SV2C: variants seen among roughly 807,000 people sequenced by gnomAD.
The protein encoded by SV2C is solute carrier family 22 member B3.
SV2C carries 49 observed loss-of-function variants against 79.7 expected under a neutral mutation model. The observed-to-expected ratio is 0.61, with a 90% confidence interval of 0.49 to 0.78. The LOEUF (loss-of-function observed/expected upper bound fraction) is 0.78. Among genes scored for constraint, SV2C ranks in the 30% least tolerant of loss-of-function variants. SV2C has a pLI of 0.00. For missense variants in SV2C, 833 were observed against 912.9 expected, an observed-to-expected ratio of 0.91 and a Z score of 1.13; for synonymous variants, 334 against 333.2, an observed-to-expected ratio of 1.00 and a Z score of -0.03.
chr5:76,181,739 TCAA>T (rs1393045974), intron 2 of SV2C, among the ~76,000 whole-genome samples: 1 of 152,144 alleles, frequency 6.6e-6, no homozygotes, highest in African/African-American at 2.4e-5. Context: ...GGCCCCACCT[TCAA>T]CATGTGGGGA....
At chr5:76,286,735 A>C (rs1325477784) in intron 6 of SV2C, 1 of 152,216 alleles carries the variant, frequency 6.6e-6, no homozygotes, top group African/African-American at 2.4e-5. Flanking sequence ...AGGACTCAGG[A>C]AACTTCTGAT....
At chr5:75,884,772 TACA>T in the SV2C span, among the ~76,000 whole-genome samples, 1 of 152,114 alleles carries the variant, frequency 6.6e-6, no homozygotes, top group East Asian at 1.9e-4. Context: ...CATAAGTATG[TACA>T]ACTATTATAT....
the SV2C span, among the ~76,000 whole-genome samples, chr5:76,034,237 T>C: frequency 2.0e-5 from 3 of 152,020 alleles, no homozygotes; most frequent in African/African-American, 7.3e-5. Flanking sequence ...GAATACCCTT[T>C]ATTTCCTTCT....
chr5:76,245,936 ATGTG>A (rs60767964), intron 4 of SV2C, among the ~76,000 whole-genome samples: 52 of 129,140 alleles, frequency 4.0e-4, no homozygotes, highest in East Asian at 6.6e-4. Flanking sequence ...GTGTGTGTGT[ATGTG>A]TGTGTGTGTG....
At chr5:76,243,872 T>C (rs1432320525) in intron 4 of SV2C, among the ~76,000 whole-genome samples, 3 of 152,212 alleles carry the variant, frequency 2.0e-5, no homozygotes, top group Non-Finnish European at 4.4e-5. Flanking sequence ...GCAGCCACAC[T>C]GGCCTTGCTC....
At chr5:75,938,605 AGT>A in the SV2C span, among the ~76,000 whole-genome samples, 2 of 152,216 alleles carry the variant, frequency 1.3e-5, no homozygotes, top group Non-Finnish European at 2.9e-5. Context: ...AAAATGAATC[AGT>A]GGTACCAGAG....
the SV2C span, among the ~76,000 whole-genome samples, chr5:75,945,477 AATT>A: frequency 1.3e-5 from 2 of 151,454 alleles, no homozygotes; most frequent in Admixed American, 6.6e-5. Flanking sequence ...ACACCAAGCT[AATT>A]ATTATTATTA....
At chr5:75,996,698 A>T in the SV2C span, among the ~76,000 whole-genome samples, 1 of 152,096 alleles carries the variant, frequency 6.6e-6, no homozygotes, top group Admixed American at 6.6e-5. Context: ...GAGGGCCTTC[A>T]CATCCTTTGT....
At chr5:75,910,825 G>A in the SV2C span, 6 of 1,305,698 alleles carry the variant, frequency 4.6e-6, no homozygotes, top group South Asian at 5.9e-5. Context: ...CCAATTTGAG[G>A]GATGTCTTCT....
At chr5:76,190,589 G>A (rs72773753) in intron 2 of SV2C, among the ~76,000 whole-genome samples, 13,951 of 152,156 alleles carry the variant, frequency 0.092, 835 homozygotes, top group Non-Finnish European at 0.13. Context: ...ATTGGGCAAT[G>A]CAGAAATGAA....
At chr5:76,206,409 T>C (rs1453902937) in intron 3 of SV2C, among the ~76,000 whole-genome samples, 4 of 152,172 alleles carry the variant, frequency 2.6e-5, no homozygotes, top group Non-Finnish European at 5.9e-5. Context: ...ACAAGGACCG[T>C]CAGGTCATTT....
intron 3 of SV2C, among the ~76,000 whole-genome samples, chr5:76,197,160 C>T (rs768063075): frequency 1.3e-5 from 2 of 152,126 alleles, no homozygotes; most frequent in Non-Finnish European, 2.9e-5. Flanking sequence ...TGCATTGTTA[C>T]CTTGGAGTGT....
intron 4 of SV2C, among the ~76,000 whole-genome samples, chr5:76,239,928 T>G (rs192125994): frequency 1.2e-4 from 19 of 152,326 alleles, no homozygotes; most frequent in Admixed American, 1.2e-3. Context: ...GGCTATCTGC[T>G]TCCCTTCTTT....
intron 2 of SV2C, among the ~76,000 whole-genome samples, chr5:76,152,012 G>T (rs764863924): frequency 1.3e-5 from 2 of 152,192 alleles, no homozygotes; most frequent in Admixed American, 6.5e-5. Context: ...GATGCCTTAG[G>T]GGGTGAGAGA....
chr5:75,916,237 G>A, the SV2C span, among the ~76,000 whole-genome samples: 1 of 119,978 alleles, frequency 8.3e-6, no homozygotes, highest in Non-Finnish European at 1.7e-5. Context: ...TCCCCTTCTG[G>A]TTCCTCCTCC....
intron 1 of SV2C, among the ~76,000 whole-genome samples, chr5:76,088,791 C>CTT (rs77110048): frequency 1.1e-4 from 17 of 151,866 alleles, no homozygotes; most frequent in Admixed American, 9.8e-4. Flanking sequence ...TTACAATTTC[C>CTT]TTTTTTTTAA....
chr5:76,015,963 G>A, the SV2C span, among the ~76,000 whole-genome samples: 1 of 151,928 alleles, frequency 6.6e-6, no homozygotes, highest in Non-Finnish European at 1.5e-5. Flanking sequence ...ATGGGTTTTG[G>A]AGTCTGTATT....
At chr5:76,068,829 A>G in the SV2C span, among the ~76,000 whole-genome samples, 2 of 152,122 alleles carry the variant, frequency 1.3e-5, no homozygotes, top group Admixed American at 1.3e-4. Context: ...TCCTTAGGTC[A>G]CCTTAAAGGA....
At chr5:76,143,276 T>C (rs1410746154) in intron 2 of SV2C, among the ~76,000 whole-genome samples, 1 of 152,130 alleles carries the variant, frequency 6.6e-6, no homozygotes, top group African/African-American at 2.4e-5. Flanking sequence ...AAAACATTAG[T>C]GGTCAGATGA....
Sources: gnomAD v4.1 joint callset for allele counts (sites outside exome capture counted in the v4.1 genomes callset) on GRCh38, gnomAD v4.1.1 for gene constraint, MANE v1.5 for transcripts, NCBI Gene and HGNC (gene_info 2026-07-23, HGNC 2026-07-21) for gene names.